NCBP1: variants seen among roughly 807,000 people sequenced by gnomAD.
NCBP1 encodes nuclear cap binding protein subunit 1.
Under a neutral mutation model 111.7 loss-of-function variants are expected in NCBP1, and 16 were observed. That is an observed-to-expected ratio of 0.14 (90% confidence interval 0.10 to 0.22). The LOEUF (loss-of-function observed/expected upper bound fraction) is 0.22. Ranked by LOEUF, NCBP1 falls within the 10% of genes least tolerant of loss-of-function variation. The pLI is 1.00. For missense variants in NCBP1, 607 were observed against 957.5 expected, an observed-to-expected ratio of 0.63 and a Z score of 4.83; for synonymous variants, 304 against 314.3, an observed-to-expected ratio of 0.97 and a Z score of 0.35.
At chr9:97,644,739 G>A (rs555322952) in intron 4 of NCBP1, among the ~76,000 whole-genome samples, 7 of 152,144 alleles carry the variant, frequency 4.6e-5, no homozygotes, top group Admixed American at 1.3e-4. Context: ...GCATAGAAAC[G>A]TATGAACTCA....
At chr9:97,639,613 C>T (rs568819687) in intron 1 of NCBP1, among the ~76,000 whole-genome samples, 2 of 152,286 alleles carry the variant, frequency 1.3e-5, no homozygotes, top group South Asian at 4.1e-4. Flanking sequence ...GTTACAGGCT[C>T]TTGCTTTCTT....
intron 4 of NCBP1, among the ~76,000 whole-genome samples, chr9:97,643,698 G>A (rs1301079932): frequency 1.3e-5 from 2 of 152,030 alleles, no homozygotes; most frequent in Non-Finnish European, 2.9e-5. Flanking sequence ...CTAGAAAGCT[G>A]AGCATTAATT....
At chr9:97,657,581 A>G (rs553940498) in intron 14 of NCBP1, among the ~76,000 whole-genome samples, 3 of 152,220 alleles carry the variant, frequency 2.0e-5, no homozygotes, top group African/African-American at 7.2e-5. Context: ...AGTAGAATTG[A>G]TAAGTATTTT....
Position 97,662,208 on chromosome 9 carries a change from T to C in NCBP1, c.1703+64T>C, listed in dbSNP as rs79616981. On this transcript the variant is annotated intron_variant, in intron 17 of 22. Coordinates refer to ENST00000375147, the MANE Select transcript of NCBP1 (RefSeq NM_002486.5). ...TTTTGCTTGGTGAACACCAGTGGTATGGTAATTTTTACCTAAGATTGTTGA... is the reference window on the plus strand; with the variant it reads ...TTTTGCTTGGTGAACACCAGTGGTACGGTAATTTTTACCTAAGATTGTTGA... The C allele has an allele frequency of 0.022, 25,414 of 1,170,798 alleles. 3,781 individuals carry two copies. In the African/African-American group the frequency reaches 0.33, roughly 15 times the overall value. 72.5% of individuals were successfully genotyped at this position (1,170,798 alleles called of 1,614,324 possible).
intron 20 of NCBP1, among the ~76,000 whole-genome samples, chr9:97,668,532 C>G (rs897748574): frequency 6.6e-6 from 1 of 152,158 alleles, no homozygotes; most frequent in Non-Finnish European, 1.5e-5. Context: ...AGCTGTCTCC[C>G]TGTTGTTACT....
At chr9:97,663,832 C>G (rs1470934923) in intron 18 of NCBP1, among the ~76,000 whole-genome samples, 1 of 151,810 alleles carries the variant, frequency 6.6e-6, no homozygotes, top group East Asian at 1.9e-4. Context: ...TTTGTTTAGT[C>G]AACCTGTTTC....
chr9:97,645,365 A>C, intron 5 of NCBP1, 141 bp downstream of exon 5: 1 of 762,490 alleles, frequency 1.3e-6, no homozygotes, highest in Non-Finnish European at 2.1e-6. Flanking sequence ...TCACACTTTA[A>C]GTTCTTACTA....
intron 1 of NCBP1, among the ~76,000 whole-genome samples, chr9:97,637,986 A>G (rs1212936026): frequency 2.0e-5 from 3 of 148,938 alleles, no homozygotes; most frequent in Non-Finnish European, 4.5e-5. Flanking sequence ...TTTAATTTAC[A>G]TTTTAAAACT....
intron 10 of NCBP1, among the ~76,000 whole-genome samples, chr9:97,652,669 A>T (rs1827531856): frequency 6.6e-6 from 1 of 152,162 alleles, no homozygotes; most frequent in Non-Finnish European, 1.5e-5. Flanking sequence ...ATGTATTAAG[A>T]GTCGTATCCT....
intron 20 of NCBP1, among the ~76,000 whole-genome samples, chr9:97,668,631 A>G (rs1031812233): frequency 6.6e-6 from 1 of 152,176 alleles, no homozygotes. Flanking sequence ...TGGCCTAGAT[A>G]AGAACCCATG....
intron 21 of NCBP1, 88 bp from the exon 22 acceptor site, chr9:97,669,504 CA>C: frequency 1.2e-6 from 1 of 817,356 alleles, no homozygotes; most frequent in Non-Finnish European, 2.0e-6. Context: ...GTGGAACAGG[CA>C]ATACTTTGGG....
chr9:97,662,275 T>G (rs1827861261), intron 17 of NCBP1, 131 bp downstream of exon 17: 1 of 654,646 alleles, frequency 1.5e-6, no homozygotes, highest in South Asian at 2.2e-5. Flanking sequence ...ACAGTGGGTT[T>G]GGGTTTGTGG....
At chr9:97,638,538 G>A (rs1361317258) in intron 1 of NCBP1, among the ~76,000 whole-genome samples, 1 of 152,192 alleles carries the variant, frequency 6.6e-6, no homozygotes, top group Middle Eastern at 3.2e-3. Flanking sequence ...TGGCAAAATA[G>A]ATGAGCCAGA....
At chr9:97,670,045 C>T (rs1587730640) in intron 22 of NCBP1, 1 of 367,850 alleles carries the variant, frequency 2.7e-6, no homozygotes, top group Non-Finnish European at 5.3e-6. Context: ...GCCTCAGCCT[C>T]CCATATTGCT....
intron 19 of NCBP1, 148 bp from the exon 20 acceptor site, chr9:97,666,615 G>GT: frequency 1.8e-6 from 1 of 548,356 alleles, no homozygotes; most frequent in East Asian, 3.2e-5. Context: ...AGACCAATTT[G>GT]TAAGTATTGC....
Position 97,664,336 on chromosome 9 carries a change from G to T in NCBP1, c.1798-4G>T, listed in dbSNP as rs540892545. On this transcript the variant is annotated splice_region_variant and splice_polypyrimidine_tract_variant and intron_variant, in intron 18 of 22. Transcript: ENST00000375147. ...GATTTACTTGAATAATTCTCTCATT[G>T]TAGATGATTGCTGTACTAGTGGATA... 4 of 1,581,566 alleles carry T rather than the reference G, an allele frequency of 2.5e-6. No individual in the cohort carries two copies. In the African/African-American group the frequency reaches 5.4e-5, roughly 21 times the overall value.
chr9:97,645,670 G>A lies in NCBP1; in HGVS notation c.549G>A (p.Glu183=), dbSNP rs1827312435. Residue 183 remains glutamate (E), a synonymous_variant, in exon 6 of 23, where the codon GAG becomes GAA. Transcript: ENST00000375147. The part of the protein sequence containing the change: ...FLSSLPWVGK[E]LYEKKDAEMD... ...CATCTTTGCCCTGGGTTGGAAAGGA[G>A]TTGTACGAAAAGAAAGATGCAGAGA... is the stretch of plus-strand genomic sequence containing the variant. 2 of 1,614,060 alleles carry A rather than the reference G, an allele frequency of 1.2e-6. No individual in the cohort carries two copies. Among genetic ancestry groups the A allele is most frequent in the Non-Finnish European group, 1.7e-6 (2 of 1,179,938 alleles).
At chr9:97,649,649 C>G (rs1290459715) in intron 8 of NCBP1, among the ~76,000 whole-genome samples, 1 of 152,018 alleles carries the variant, frequency 6.6e-6, no homozygotes, top group Non-Finnish European at 1.5e-5. Flanking sequence ...TAACCAAATA[C>G]TTTAGTCAAA....
At chr9:97,655,267 G>A (rs1236261662) in intron 12 of NCBP1, among the ~76,000 whole-genome samples, 1 of 152,184 alleles carries the variant, frequency 6.6e-6, no homozygotes, top group East Asian at 1.9e-4. Flanking sequence ...CTGGAGTGCA[G>A]TGGGATGAGC....
Sources: allele counts gnomAD v4.1 joint callset (sites outside exome capture counted in the v4.1 genomes callset), GRCh38; gene constraint gnomAD v4.1.1; transcripts MANE v1.5; gene names NCBI Gene and HGNC (gene_info 2026-07-23, HGNC 2026-07-21).